TBCD: variants seen among roughly 807,000 people sequenced by gnomAD.
TBCD encodes the protein tubulin folding cofactor D, also known as tubulin-specific chaperone D.
A neutral mutation model predicts 169.3 loss-of-function variants in TBCD; 105 were observed. That is an observed-to-expected ratio of 0.62 (90% CI 0.53 to 0.73). The LOEUF (loss-of-function observed/expected upper bound fraction) is 0.73, where lower values mean the gene tolerates loss of function less well. Among genes scored for constraint, TBCD ranks in the 30% least tolerant of loss-of-function variants. The pLI, the probability that TBCD is intolerant of heterozygous loss-of-function variation, is 0.00. For synonymous variants in TBCD, 700 were observed against 643.9 expected (o/e 1.09, Z -1.32); for missense variants, 1,444 against 1,600.1 (o/e 0.90, Z 1.66).
chr17:82,831,198 G>C lies in TBCD; in HGVS notation c.1318+16264G>C. ...CGCAGGTCTGGCTCGTCTGCATGAA[G>C]TCGGTGGGGCTCGGCCTCCCTGGGG... On this transcript the variant is annotated intron_variant, in intron 13 of 38. Coordinates refer to ENST00000355528, the MANE Select transcript of TBCD (RefSeq NM_005993.5). The surrounding 1 kb of genome is among the most constrained non-coding windows in gnomAD (Gnocchi z 4.6). 6.2e-7 allele frequency: 1 copy of C among 1,614,164 alleles called. No individual in the cohort carries two copies. Among genetic ancestry groups the C allele is most frequent in the East Asian group, 2.2e-5 (1 of 44,876 alleles).
intron 30 of TBCD, 48 bp downstream of exon 30, chr17:82,928,036 G>T: frequency 6.4e-7 from 1 of 1,568,592 alleles, no homozygotes; most frequent in Non-Finnish European, 8.7e-7. Context: ...GCAGCCCCGA[G>T]CTTGGGGAGG....
chr17:82,815,308 C>A (rs985949199), intron 13 of TBCD, among the ~76,000 whole-genome samples: 12 of 152,222 alleles, frequency 7.9e-5, no homozygotes, highest in Non-Finnish European at 1.8e-4. Flanking sequence ...AACCGGTTTT[C>A]ATTCTTGAGG....
At chr17:82,881,127 T>C (rs1373752027) in intron 14 of TBCD, among the ~76,000 whole-genome samples, 26 of 152,130 alleles carry the variant, frequency 1.7e-4, no homozygotes, top group Non-Finnish European at 1.5e-4. Context: ...TTTGCAAGGC[T>C]GGCTGGACAC....
intron 13 of TBCD, among the ~76,000 whole-genome samples, chr17:82,845,117 C>T (rs1385303546): frequency 6.6e-6 from 1 of 152,164 alleles, no homozygotes; most frequent in Non-Finnish European, 1.5e-5. Context: ...GCGCCGCGGC[C>T]TCTGTGTCAG....
At chr17:82,774,635 GCA>G (rs1283205350) in intron 6 of TBCD, among the ~76,000 whole-genome samples, 1 of 152,114 alleles carries the variant, frequency 6.6e-6, no homozygotes, top group East Asian at 1.9e-4. Context: ...CCGGGCAGAG[GCA>G]CCCCCCACCT....
intron 13 of TBCD, among the ~76,000 whole-genome samples, chr17:82,860,156 G>A (rs1462724274): frequency 1.3e-5 from 2 of 152,208 alleles, no homozygotes; most frequent in Non-Finnish European, 2.9e-5. Flanking sequence ...TAATTCTCCC[G>A]AATGCCTGTT....
At position 82,884,098 on chromosome 17, in the gene TBCD, C is replaced by G. The variant is rs1351335907; in HGVS notation, c.1476-47C>G. 1 of 1,540,256 alleles carries G rather than the reference C, an allele frequency of 6.5e-7. No homozygotes were observed. Among genetic ancestry groups the G allele is most frequent in the East Asian group, 2.4e-5 (1 of 42,536 alleles). Reference sequence around the variant, plus strand: ...TCTCATCGATACTGTGTGGTCTGTACTGTTTTGCAGAATTTCTTTTTAATT... The same window carrying G: ...TCTCATCGATACTGTGTGGTCTGTAGTGTTTTGCAGAATTTCTTTTTAATT... On this transcript the variant is annotated intron_variant, in intron 14 of 38. Transcript: ENST00000355528. The surrounding 1 kb of genome is among the most constrained non-coding windows in gnomAD (Gnocchi z 4.2).
At chr17:82,798,102 G>A (rs1488205246) in intron 8 of TBCD, among the ~76,000 whole-genome samples, 1 of 149,452 alleles carries the variant, frequency 6.7e-6, no homozygotes, top group Non-Finnish European at 1.5e-5. Flanking sequence ...TCAGCCTCCC[G>A]AGTAGCTGGG....
chr17:82,911,328 G>C (rs2060627422), intron 22 of TBCD, among the ~76,000 whole-genome samples: 2 of 151,662 alleles, frequency 1.3e-5, no homozygotes, highest in African/African-American at 4.9e-5. Flanking sequence ...TCAGCGCCAG[G>C]GCTGGGGCAG....
rs2146339029 is a variant in TBCD, at chr17:82,888,246, C to A, written c.1534-1422C>A. On this transcript the variant is annotated intron_variant, in intron 15 of 38. Transcript: ENST00000355528. ...GGTCTGCGTGTCTGTTCTGCCAGCGCACACTGTGTGACGGGCTGTGCTGCG... is the reference window on the plus strand; with the variant it reads ...GGTCTGCGTGTCTGTTCTGCCAGCGAACACTGTGTGACGGGCTGTGCTGCG... Among the ~76,000 whole-genome samples the A allele has an allele frequency of 1.3e-5, 2 of 152,330 alleles. 1 individual carries two copies.
intron 17 of TBCD, among the ~76,000 whole-genome samples, chr17:82,899,338 G>C (rs895780376): frequency 6.6e-6 from 1 of 150,908 alleles, no homozygotes; most frequent in African/African-American, 2.4e-5. Context: ...TCCTCAGCTC[G>C]TGTCCTCAGT....
intron 15 of TBCD, chr17:82,886,401 C>T (rs1459712749): frequency 6.6e-6 from 1 of 151,832 alleles, no homozygotes; most frequent in African/African-American, 2.4e-5. Context: ...GAAGACATGT[C>T]TCCCGGCGGG....
At chr17:82,856,734 CCGCG>C (rs1248401742) in intron 13 of TBCD, among the ~76,000 whole-genome samples, 16 of 149,212 alleles carry the variant, frequency 1.1e-4, no homozygotes, top group African/African-American at 3.8e-4. Context: ...GATCGCTGGA[CCGCG>C]TGCGGACCCT....
Position 82,797,767 on chromosome 17 carries a change from T to A in TBCD, c.782T>A (p.Phe261Tyr). The A allele has an allele frequency of 6.3e-7, 1 of 1,575,426 alleles. No homozygotes were observed. The highest frequency in any genetic ancestry group is 8.6e-7 in the Non-Finnish European group (1 of 1,167,862). ...TTTTTTTTTTTTTAGGCACAAATAT[T>A]TAAACATGGAAAACGTGAAGACTGT... is the stretch of plus-strand genomic sequence containing the variant. Reference protein sequence around the residue: ...DGTLQALAQIFKHGKREDCLP... With the variant: ...DGTLQALAQIYKHGKREDCLP... The change falls in exon 8 of 39, where the codon TTT becomes TAT. Residue 261 changes from phenylalanine to tyrosine, a missense_variant. By Grantham distance (22) the Phe-to-Tyr change is conservative. Transcript: ENST00000355528.
In TBCD at chr17:82,923,009, T is replaced by C. The variant is rs1179007819; in HGVS notation, c.2179-643T>C. ...CCGTCCCTCCCACCACGGTTCCTGG[T>C]GGCCTTGGGATGGGTTCCCGGGGGT... On this transcript the variant is annotated intron_variant, in intron 25 of 38. Coordinates refer to ENST00000355528, the MANE Select transcript of TBCD (RefSeq NM_005993.5). The surrounding 1 kb of genome is among the most constrained non-coding windows in gnomAD (Gnocchi z 4.6). Among the ~76,000 whole-genome samples, 1 of 152,172 alleles carries C rather than the reference T, an allele frequency of 6.6e-6. No individual in the cohort carries two copies. Among genetic ancestry groups the C allele is most frequent in the Non-Finnish European group, 1.5e-5 (1 of 68,028 alleles).
At chr17:82,921,111 G>C (rs891617718) in intron 24 of TBCD, 2 of 258,672 alleles carry the variant, frequency 7.7e-6, no homozygotes, top group African/African-American at 2.3e-5. Context: ...CTTTTTTTTT[G>C]TTAATTGAAT....
intron 13 of TBCD, chr17:82,840,234 G>C (rs1196304060): frequency 2.0e-5 from 3 of 152,234 alleles, no homozygotes; most frequent in African/African-American, 4.8e-5. Context: ...CTGTGAGTGC[G>C]GCGTCGGTGC....
At chr17:82,869,370 G>C (rs979353624) in intron 13 of TBCD, among the ~76,000 whole-genome samples, 5 of 152,200 alleles carry the variant, frequency 3.3e-5, no homozygotes, top group Middle Eastern at 3.4e-3. Flanking sequence ...AATTTAAAAA[G>C]TAGCTGGGTG....
chr17:82,866,871 T>C (rs1348287279), intron 13 of TBCD, among the ~76,000 whole-genome samples: 1 of 149,116 alleles, frequency 6.7e-6, no homozygotes, highest in Non-Finnish European at 1.5e-5. Flanking sequence ...ACTGGCCTCT[T>C]CTCTTTAAGA....
Sources: gnomAD v4.1 joint callset for allele counts (sites outside exome capture counted in the v4.1 genomes callset) on GRCh38, gnomAD v4.1.1 for gene constraint, Gnocchi (gnomAD v3.1) non-coding constraint, MANE v1.5 for transcripts, NCBI Gene and HGNC (gene_info 2026-07-23, HGNC 2026-07-21) for gene names.